The following DIP2A variants were observed in gnomAD, a reference collection of about 807,000 sequenced individuals.
The protein encoded by DIP2A is DIP2 acetate--CoA ligase A.
DIP2A carries 85 observed loss-of-function variants against 177.4 expected under a neutral mutation model. That is an observed-to-expected ratio of 0.48 (90% CI 0.40 to 0.57). The LOEUF (loss-of-function observed/expected upper bound fraction) is 0.57. Among genes scored for constraint, DIP2A ranks in the 20% least tolerant of loss-of-function variants. The pLI, the probability that DIP2A is intolerant of heterozygous loss-of-function variation, is 0.00. For missense variants in DIP2A, 1,791 were observed against 2,100.2 expected (o/e 0.85, Z 2.88); for synonymous variants, 886 against 881.8 (o/e 1.00, Z -0.08).
intron 8 of DIP2A, among the ~76,000 whole-genome samples, chr21:46,527,989 A>G (rs138399926): frequency 5.3e-5 from 8 of 151,952 alleles, no homozygotes; most frequent in Admixed American, 2.0e-4. Context: ...GCTCTCCCCT[A>G]TTGAGTGCTT....
the DIP2A span, among the ~76,000 whole-genome samples, chr21:46,579,483 G>A: frequency 2.0e-5 from 3 of 151,732 alleles, no homozygotes; most frequent in Non-Finnish European, 2.9e-5. Flanking sequence ...GTTATTTCTT[G>A]TCTTCTGCTA....
intron 33 of DIP2A, chr21:46,561,500 C>T (rs1321284439): frequency 2.1e-5 from 12 of 574,868 alleles, no homozygotes; most frequent in Non-Finnish European, 2.9e-5. Context: ...AGGACCTAAA[C>T]GAAATGTAGA....
In DIP2A at chr21:46,537,912, A is replaced by T. The variant is rs1009061776; in HGVS notation, c.1801+373A>T. Among the ~76,000 whole-genome samples, 22 of 152,178 alleles carry T rather than the reference A, an allele frequency of 1.4e-4. No homozygotes were observed. Among genetic ancestry groups the T allele is most frequent in the Non-Finnish European group, 2.6e-4 (18 of 68,026 alleles). ...TGGCACTTCTACCAGCCACTGAGGC[A>T]CTGGATCACCTGGGTCACCCATGTT... On this transcript the variant is annotated intron_variant, in intron 15 of 37. Transcript: ENST00000417564. This position sits in a 1 kb window ranked among gnomAD's most constrained non-coding sequence, Gnocchi z 4.1.
At chr21:46,467,227 C>CG (rs1454338360) in intron 1 of DIP2A, among the ~76,000 whole-genome samples, 1 of 141,004 alleles carries the variant, frequency 7.1e-6, no homozygotes, top group Non-Finnish European at 1.5e-5. Flanking sequence ...ACCTGGGAGG[C>CG]GGAGGTTGCA....
intron 8 of DIP2A, among the ~76,000 whole-genome samples, chr21:46,521,103 G>A (rs7277986): frequency 0.35 from 52,609 of 151,850 alleles, 9,574 homozygotes; most frequent in Middle Eastern, 0.44. Context: ...ATAGAAGGAA[G>A]ACTTAGCTTT....
At chr21:46,566,016 A>G in intron 36 of DIP2A, 129 bp downstream of exon 36, 2 of 1,098,178 alleles carry the variant, frequency 1.8e-6, no homozygotes, top group Non-Finnish European at 1.3e-6. Context: ...TGGGGGGAAG[A>G]TGTTCTGACA....
intron 19 of DIP2A, 64 bp downstream of exon 19, chr21:46,545,337 G>A: frequency 6.5e-7 from 1 of 1,541,994 alleles, no homozygotes; most frequent in South Asian, 1.2e-5. Context: ...GGGGTCCCAG[G>A]TGTGCTGGGT....
rs992231349 is a variant in DIP2A, at chr21:46,563,553, C to T, written c.4090-305C>T. ...GTCACTGCACCCCTGGATGGATGCC[C>T]ATCAGGTGCGCTGGCATCACCTGGC... On this transcript the variant is annotated intron_variant, in intron 34 of 37. Transcript: ENST00000417564. The surrounding 1 kb of genome is among the most constrained non-coding windows in gnomAD (Gnocchi z 4.3). 3.1e-5 allele frequency: 11 copies of T among 354,680 alleles called. No individual in the cohort carries two copies. Among genetic ancestry groups the T allele is most frequent in the South Asian group, 2.3e-4 (8 of 35,488 alleles). 22.0% of individuals were successfully genotyped at this position (354,680 alleles called of 1,614,324 possible). A position where few individuals can be genotyped will look rare whatever the true frequency, so the allele number is the denominator to read the frequency against.
At chr21:46,477,740 AT>A (rs548443333) in intron 1 of DIP2A, among the ~76,000 whole-genome samples, 105 of 129,780 alleles carry the variant, frequency 8.1e-4, no homozygotes, top group African/African-American at 2.7e-3. Flanking sequence ...CACCCAGCTA[AT>A]TTTTTTGTTT....
rs2060921849 is a variant in DIP2A at position 46,569,460 on chromosome 21, A to G, written c.*1838A>G. The stretch of plus-strand genomic sequence containing the variant: ...AAGTAGTCTAATGGACATTCCTTAC[A>G]ATAGAATGGCTGGGAAGGGAAAGAA... On this transcript the variant is annotated 3_prime_UTR_variant, in exon 38 of 38. Coordinates refer to ENST00000417564, the MANE Select transcript of DIP2A (RefSeq NM_015151.4). The G allele has an allele frequency of 6.7e-6, 1 of 149,908 alleles. No homozygotes were observed. The highest frequency in any genetic ancestry group is 6.7e-5 in the Admixed American group (1 of 14,884). The allele number at this position is 149,908 out of a possible 1,614,324, so 9.3% of individuals were successfully genotyped here. A position where few individuals can be genotyped will look rare whatever the true frequency, so the allele number is the denominator to read the frequency against.
intron 18 of DIP2A, among the ~76,000 whole-genome samples, chr21:46,542,449 C>G (rs375296395): frequency 1.3e-5 from 2 of 152,190 alleles, no homozygotes; most frequent in East Asian, 3.8e-4. Context: ...TTCTAGCAAG[C>G]ATGTGTTAGA....
chr21:46,509,029 CA>C (rs2058172126), intron 6 of DIP2A, among the ~76,000 whole-genome samples: 1 of 151,136 alleles, frequency 6.6e-6, no homozygotes, highest in East Asian at 1.9e-4. Context: ...AGCAAAAAAA[CA>C]AAAACAAAAA....
Position 46,537,138 on chromosome 21 carries a change from G to T in DIP2A, c.1643-86G>T. ...TTCCTGAAACTTACATGTTGATGAC[G>T]TACTCACCTCAGAATTTCTCTAGAA... is the stretch of plus-strand genomic sequence containing the variant. On this transcript the variant is annotated intron_variant, in intron 13 of 37. Transcript: ENST00000417564. This position sits in a 1 kb window ranked among gnomAD's most constrained non-coding sequence, Gnocchi z 4.1. 2.3e-6 allele frequency: 3 copies of T among 1,300,852 alleles called. No individual in the cohort carries two copies. Among genetic ancestry groups the T allele is most frequent in the Non-Finnish European group, 2.2e-6 (2 of 894,894 alleles). The allele number at this position is 1,300,852 out of a possible 1,614,324, so 80.6% of individuals were successfully genotyped here. A position where few individuals can be genotyped will look rare whatever the true frequency, so the allele number is the denominator to read the frequency against.
At chr21:46,542,543 G>A (rs949008952) in intron 18 of DIP2A, among the ~76,000 whole-genome samples, 1 of 152,252 alleles carries the variant, frequency 6.6e-6, no homozygotes, top group Admixed American at 6.5e-5. Flanking sequence ...GGCTCTGTAG[G>A]CCTGACCGTC....
rs1051864140 is a variant in DIP2A, at chr21:46,567,455, G to A, written c.4549G>A (p.Val1517Met). 6.2e-7 allele frequency: 1 copy of A among 1,613,986 alleles called. No individual in the cohort carries two copies. Reference sequence around the variant, plus strand: ...GGATGCCCTGGACCTGGTGGCCCTGGTGACCAACGTGGTGCTGGAGGAGCA... The same window carrying A: ...GGATGCCCTGGACCTGGTGGCCCTGATGACCAACGTGGTGCTGGAGGAGCA... Reference protein sequence around the residue: ...EQDALDLVALVTNVVLEEHYL... With the variant: ...EQDALDLVALMTNVVLEEHYL... The change falls in exon 38 of 38, where the codon GTG (valine) becomes ATG (methionine). Residue 1517 changes from valine to methionine, a missense_variant. Physicochemically the swap from Val to Met is conservative, Grantham distance 21. Coordinates refer to ENST00000417564, the MANE Select transcript of DIP2A (RefSeq NM_015151.4).
At chr21:46,500,284 C>A (rs2839296) in intron 5 of DIP2A, among the ~76,000 whole-genome samples, 72,726 of 152,000 alleles carry the variant, frequency 0.48, 18,330 homozygotes, top group African/African-American at 0.64. Context: ...AGGGTAGCAG[C>A]AGGCAGCATT....
At chr21:46,526,979 G>A (rs2059121626) in intron 8 of DIP2A, among the ~76,000 whole-genome samples, 1 of 152,152 alleles carries the variant, frequency 6.6e-6, no homozygotes, top group Admixed American at 6.5e-5. Context: ...GGTTTCTAAA[G>A]ATGCCCCTTA....
chr21:46,511,596 G>T lies in DIP2A; in HGVS notation c.1084G>T (p.Val362Phe). ...LTALDTTGKAVYTLTYGKLWS... is the reference protein window; with the variant it reads ...LTALDTTGKAFYTLTYGKLWS... ...TGCCTTGGATACAACTGGGAAAGCC[G>T]TCTACACTCTCACCTATGGCAAGTG... The change falls in exon 8 of 38, where the codon GTC (valine) becomes TTC (phenylalanine). Residue 362 changes from valine to phenylalanine, a missense_variant. Val to Phe is a conservative substitution (Grantham distance 50). Transcript: ENST00000417564. 6.5e-7 allele frequency: 1 copy of T among 1,547,130 alleles called. No homozygotes were observed. The highest frequency in any genetic ancestry group is 8.7e-7 in the Non-Finnish European group (1 of 1,150,246).
intron 8 of DIP2A, among the ~76,000 whole-genome samples, chr21:46,527,023 A>C (rs2059124941): frequency 6.6e-6 from 1 of 152,182 alleles, no homozygotes; most frequent in African/African-American, 2.4e-5. Flanking sequence ...TTTTATTCTG[A>C]GTTTAAGAAG....
Sources: gnomAD v4.1 joint callset for allele counts (sites outside exome capture counted in the v4.1 genomes callset) on GRCh38, gnomAD v4.1.1 for gene constraint, Gnocchi (gnomAD v3.1) non-coding constraint, MANE v1.5 for transcripts, NCBI Gene and HGNC (gene_info 2026-07-23, HGNC 2026-07-21) for gene names.